The following ADK variants were observed in gnomAD, a reference collection of about 807,000 sequenced individuals.
ADK encodes adenosine kinase, also known as N6,N6-dimethyladenosine kinase.
ADK carries 24 observed loss-of-function variants against 44.7 expected under a neutral mutation model. The ratio of observed to expected loss-of-function variants is 0.54; its 90% CI spans 0.39 to 0.76. ADK has a LOEUF of 0.76. Ranked by LOEUF, ADK falls within the 30% of genes least tolerant of loss-of-function variation. ADK has a pLI of 0.00. For synonymous variants in ADK, 128 were observed against 142.6 expected, an observed-to-expected ratio of 0.90 and a Z score of 0.73; for missense variants, 321 against 425.1, an observed-to-expected ratio of 0.76 and a Z score of 2.15.
chr10:74,155,685 C>A (rs573136754), intron 1 of ADK, among the ~76,000 whole-genome samples: 1 of 152,154 alleles, frequency 6.6e-6, no homozygotes, highest in East Asian at 1.9e-4. Context: ...CCTGCCATCA[C>A]GCCCGGCCAA....
intron 3 of ADK, among the ~76,000 whole-genome samples, chr10:74,258,654 G>C (rs1242095687): frequency 6.6e-6 from 1 of 152,116 alleles, no homozygotes; most frequent in Non-Finnish European, 1.5e-5. Context: ...GGAAAAAAAT[G>C]AAGGGTCATA....
At chr10:74,296,761 G>A (rs1245465963) in intron 3 of ADK, among the ~76,000 whole-genome samples, 1 of 151,816 alleles carries the variant, frequency 6.6e-6, no homozygotes, top group Non-Finnish European at 1.5e-5. Context: ...AGAGGCTCCC[G>A]TCACCACGCT....
intron 7 of ADK, among the ~76,000 whole-genome samples, chr10:74,542,380 C>T (rs1370274848): frequency 6.6e-6 from 1 of 152,158 alleles, no homozygotes; most frequent in Non-Finnish European, 1.5e-5. Flanking sequence ...ACAATAATAA[C>T]TAATATGCTG....
At chr10:74,178,409 A>C (rs1488393019) in intron 1 of ADK, among the ~76,000 whole-genome samples, 1 of 152,230 alleles carries the variant, frequency 6.6e-6, no homozygotes, top group Non-Finnish European at 1.5e-5. Context: ...ATGAATTAGA[A>C]TTAGGCTATT....
At chr10:74,656,099 C>G (rs1417510884) in intron 9 of ADK, 1 of 390,402 alleles carries the variant, frequency 2.6e-6, no homozygotes, top group East Asian at 5.8e-5. Context: ...TGTGTTCCCC[C>G]GATTTTGAAT....
At chr10:74,442,307 A>G (rs1845443836) in intron 6 of ADK, among the ~76,000 whole-genome samples, 1 of 152,090 alleles carries the variant, frequency 6.6e-6, no homozygotes. Context: ...TCCTTTAAAA[A>G]CAGAACTACT....
intron 6 of ADK, among the ~76,000 whole-genome samples, chr10:74,441,782 T>C (rs1271257927): frequency 6.6e-6 from 1 of 152,104 alleles, no homozygotes; most frequent in African/African-American, 2.4e-5. Context: ...ACTCACAGAA[T>C]GGGAGAAAAT....
At chr10:74,379,029 TAG>T (rs1842900192) in intron 4 of ADK, among the ~76,000 whole-genome samples, 1 of 152,098 alleles carries the variant, frequency 6.6e-6, no homozygotes, top group South Asian at 2.1e-4. Flanking sequence ...ACAATGGAGT[TAG>T]AGAGGCAATG....
chr10:74,504,148 G>A (rs1274239156), intron 6 of ADK, among the ~76,000 whole-genome samples: 1 of 152,122 alleles, frequency 6.6e-6, no homozygotes. Context: ...GAGTGCTACA[G>A]GATATTTTAT....
chr10:74,392,905 G>C (rs1292860806), intron 4 of ADK, among the ~76,000 whole-genome samples: 1 of 151,916 alleles, frequency 6.6e-6, no homozygotes, highest in Admixed American at 6.6e-5. Context: ...TGGGATTTTT[G>C]AATGGCTGTG....
At chr10:74,581,819 C>T (rs1013282972) in intron 7 of ADK, among the ~76,000 whole-genome samples, 1 of 152,094 alleles carries the variant, frequency 6.6e-6, no homozygotes, top group Non-Finnish European at 1.5e-5. Flanking sequence ...ATTCTAGACC[C>T]AGTGAAAATA....
At chr10:74,207,014 A>C (rs1341559423) in intron 2 of ADK, among the ~76,000 whole-genome samples, 1 of 152,160 alleles carries the variant, frequency 6.6e-6, no homozygotes, top group Admixed American at 6.5e-5. Context: ...CCAGGTGCAG[A>C]GTGGCGTGGC....
chr10:74,655,541 G>T (rs1854451279), intron 9 of ADK: 24 of 498,508 alleles, frequency 4.8e-5, no homozygotes, highest in South Asian at 3.7e-4. Context: ...TGAACCAGAT[G>T]TTAAACCTTG....
intron 9 of ADK, among the ~76,000 whole-genome samples, chr10:74,635,264 G>A (rs988150389): frequency 6.6e-6 from 1 of 152,188 alleles, no homozygotes; most frequent in Admixed American, 6.5e-5. Context: ...CATAGAATGG[G>A]AAATTATATG....
At chr10:74,367,022 G>A (rs982690935) in intron 4 of ADK, among the ~76,000 whole-genome samples, 3 of 152,244 alleles carry the variant, frequency 2.0e-5, no homozygotes, top group African/African-American at 4.8e-5. Context: ...TTTAAGAAGC[G>A]CTCTAAATTA....
intron 7 of ADK, among the ~76,000 whole-genome samples, chr10:74,575,179 C>T (rs1851141950): frequency 6.6e-6 from 1 of 152,206 alleles, no homozygotes; most frequent in African/African-American, 2.4e-5. Flanking sequence ...TAGGTGAGTG[C>T]TTTATCCTTG....
chr10:74,289,895 A>G (rs999802996), intron 3 of ADK, among the ~76,000 whole-genome samples: 1 of 151,742 alleles, frequency 6.6e-6, no homozygotes, highest in Non-Finnish European at 1.5e-5. Context: ...TGGAATGTAT[A>G]TTGTAGTACA....
intron 3 of ADK, among the ~76,000 whole-genome samples, chr10:74,303,585 G>GTTTTGTTTTTTTTTT (rs1282565148): frequency 1.5e-5 from 1 of 64,676 alleles, no homozygotes; most frequent in East Asian, 4.9e-4. Flanking sequence ...TGGTTTTAAT[G>GTTTTGTTTTTTTTTT]TTGTTTTTTT....
chr10:74,424,472 T>G (rs1056323699), intron 6 of ADK, among the ~76,000 whole-genome samples: 98 of 127,250 alleles, frequency 7.7e-4, no homozygotes, highest in Admixed American at 1.9e-3. Flanking sequence ...AGGTGGAGGT[T>G]GCGGTGAGCC....
Sources: allele counts gnomAD v4.1 joint callset (sites outside exome capture counted in the v4.1 genomes callset), GRCh38; gene constraint gnomAD v4.1.1; transcripts MANE v1.5; gene names NCBI Gene and HGNC (gene_info 2026-07-23, HGNC 2026-07-21).